The following FARP1 variants were observed in gnomAD, a reference collection of about 807,000 sequenced individuals.
FARP1 encodes FERM, ARHGEF and pleckstrin domain-containing protein 1.
A neutral mutation model predicts 128.8 loss-of-function variants in FARP1; 52 were observed. The ratio of observed to expected loss-of-function variants is 0.40; its 90% CI spans 0.32 to 0.51. The LOEUF is 0.51. FARP1 is among the 20% of genes least tolerant of loss of function. The pLI is 0.45. For missense variants in FARP1, 1,333 were observed against 1,367.9 expected (o/e 0.97, Z 0.40); for synonymous variants, 580 against 551.8 (o/e 1.05, Z -0.72).
intron 2 of FARP1, among the ~76,000 whole-genome samples, chr13:98,308,033 C>CTTT (rs10536692): frequency 0.013 from 213 of 16,638 alleles, 4 homozygotes; most frequent in Non-Finnish European, 0.022. Flanking sequence ...CACTCTCTCT[C>CTTT]TTTTTTTTTT....
At chr13:98,177,897 A>G (rs1878212072) in intron 1 of FARP1, 1 of 152,246 alleles carries the variant, frequency 6.6e-6, no homozygotes, top group African/African-American at 2.4e-5. Flanking sequence ...ACACACGCGC[A>G]GTGCAGAAAA....
Position 98,181,623 on chromosome 13 carries a change from T to TG in FARP1, c.-23-31597_-23-31596insG, listed in dbSNP as rs1366182647. 1.2e-3 allele frequency among the ~76,000 whole-genome samples: 109 copies of TG among 94,404 alleles called. 1 individual carries two copies. Among genetic ancestry groups the TG allele is most frequent in the Non-Finnish European group, 1.9e-3 (93 of 49,040 alleles). 61.9% of individuals were successfully genotyped at this position (94,404 alleles called of 152,430 possible). ...TTATTTATTTATTTATTTATTTATT[T>TG]ATTTATTTATTTATTTATTTGAGAG... is the stretch of plus-strand genomic sequence containing the variant. On this transcript the variant is annotated intron_variant, in intron 1 of 26. Coordinates refer to ENST00000319562, the MANE Select transcript of FARP1 (RefSeq NM_005766.4).
At position 98,448,294 on chromosome 13, in the gene FARP1, C is replaced by A. The variant is rs997043411; in HGVS notation, c.3115C>A (p.His1039Asn). 41 of 1,613,788 alleles carry A rather than the reference C, an allele frequency of 2.5e-5. No individual in the cohort carries two copies. Among genetic ancestry groups the A allele is most frequent in the Non-Finnish European group, 3.5e-5 (41 of 1,179,644 alleles). The change falls in exon 27 of 27, where the codon CAC becomes AAC. Residue 1039 changes from histidine (H) to asparagine (N), a missense_variant. Around this residue, in one of 2 missense-constraint regions of FARP1, gnomAD observed 1,009 missense variants for 969.8 expected, o/e 1.04. Transcript: ENST00000319562. ...SSASRPHVLS[H>N]KESLVY is the part of the protein sequence containing the mutation. ...TGCCTCGCGACCCCACGTGTTGAGT[C>A]ACAAAGAGTCTCTTGTGTATTGATG...
chr13:98,221,059 C>T (rs1032731511), intron 2 of FARP1, among the ~76,000 whole-genome samples: 4 of 152,094 alleles, frequency 2.6e-5, no homozygotes, highest in Admixed American at 2.0e-4. Context: ...GGGTCTGGGC[C>T]GCCTCGCTTC....
At chr13:98,282,899 CAAAAAAAAAT>C (rs1170993214) in intron 2 of FARP1, among the ~76,000 whole-genome samples, 2 of 147,610 alleles carry the variant, frequency 1.4e-5, no homozygotes, top group East Asian at 2.0e-4. Flanking sequence ...GACTCCGTCT[CAAAAAAAAAT>C]AAAAAAAAAT....
chr13:98,411,925 G>C lies in FARP1; in HGVS notation c.1717G>C (p.Glu573Gln). 1 of 1,614,178 alleles carries C rather than the reference G, an allele frequency of 6.2e-7. No individual in the cohort carries two copies. The highest frequency in any genetic ancestry group is 8.5e-7 in the Non-Finnish European group (1 of 1,180,018). The change falls in exon 16 of 27, where the codon GAG (glutamate) becomes CAG (glutamine). Residue 573 changes from glutamate to glutamine, a missense_variant. Coordinates refer to ENST00000319562, the MANE Select transcript of FARP1 (RefSeq NM_005766.4). ...TSWFQSTVSK[E>Q]DAMPEALKSL... is the part of the protein sequence containing the mutation. Reference sequence around the variant, plus strand: ...GTGGTTTCAGAGCACAGTGAGCAAAGAGGACGCCATGCCGGAAGCACTGAA... The same window carrying C: ...GTGGTTTCAGAGCACAGTGAGCAAACAGGACGCCATGCCGGAAGCACTGAA...
intron 1 of FARP1, among the ~76,000 whole-genome samples, chr13:98,157,059 G>A (rs552848568): frequency 1.3e-5 from 2 of 152,324 alleles, no homozygotes; most frequent in East Asian, 1.9e-4. Context: ...CAGAGTGGAC[G>A]TGAAGGATCA....
rs118027216 is a variant in FARP1 at position 98,310,855 on chromosome 13, C to T, written c.172-32907C>T. 2.0e-5 allele frequency among the ~76,000 whole-genome samples: 3 copies of T among 152,228 alleles called. No homozygotes were observed. In the East Asian group the frequency reaches 5.8e-4, roughly 29 times the overall value. On this transcript the variant is annotated intron_variant, in intron 2 of 26. Transcript: ENST00000319562. ...ATCTCAATATATCCTTCCTCCTGCC[C>T]CCTTGCAGAGAGAAGCTCTTTGGAA...
At chr13:98,342,861 C>T (rs1888027319) in intron 2 of FARP1, among the ~76,000 whole-genome samples, 1 of 151,366 alleles carries the variant, frequency 6.6e-6, no homozygotes, top group African/African-American at 2.4e-5. Flanking sequence ...CCCATCTCTA[C>T]TAAAAATATA....
intron 2 of FARP1, among the ~76,000 whole-genome samples, chr13:98,219,641 T>A (rs1881296633): frequency 6.6e-6 from 1 of 152,054 alleles, no homozygotes; most frequent in Non-Finnish European, 1.5e-5. Context: ...CCACATATTT[T>A]TTATTTCTAA....
intron 4 of FARP1, among the ~76,000 whole-genome samples, chr13:98,367,489 CTT>C (rs200185112): frequency 3.5e-5 from 5 of 144,388 alleles, no homozygotes; most frequent in Non-Finnish European, 1.5e-5. Context: ...TGTTTTCTTT[CTT>C]TTTTTTTTTT....
chr13:98,277,987 G>A (rs867870857), intron 2 of FARP1, among the ~76,000 whole-genome samples: 140 of 150,148 alleles, frequency 9.3e-4, no homozygotes, highest in African/African-American at 3.2e-3. Flanking sequence ...GTCAAAATCT[G>A]GTGATCTGTT....
chr13:98,286,083 C>T (rs199632882), intron 2 of FARP1, among the ~76,000 whole-genome samples: 7 of 152,118 alleles, frequency 4.6e-5, no homozygotes, highest in Admixed American at 6.6e-5. Flanking sequence ...ATTCTTTCCT[C>T]GCTTAGAACC....
rs80034349 is a variant in FARP1, at chr13:98,230,673, G to A, written c.171+17260G>A. On this transcript the variant is annotated intron_variant, in intron 2 of 26. Transcript: ENST00000319562. ...AAAACCAGAATATATTATACATGGT[G>A]CGTGTTCCTCACTTTCTGTGCCTTG... Among the ~76,000 whole-genome samples the A allele has an allele frequency of 1.6e-4, 24 of 152,128 alleles. No individual in the cohort carries two copies. The East Asian group carries it at 4.3e-3, about 27-fold the overall frequency.
At chr13:98,211,191 GA>G (rs1245277825) in intron 1 of FARP1, among the ~76,000 whole-genome samples, 33 of 152,186 alleles carry the variant, frequency 2.2e-4, no homozygotes, top group Admixed American at 2.2e-3. Flanking sequence ...GGGGTCCCCA[GA>G]TCCTGGGCCG....
intron 1 of FARP1, among the ~76,000 whole-genome samples, chr13:98,145,365 G>A (rs1265251240): frequency 5.9e-5 from 9 of 152,274 alleles, no homozygotes; most frequent in African/African-American, 1.4e-4. Flanking sequence ...CTTTCACATT[G>A]ATATTCTCTT....
At chr13:98,401,050 A>G (rs1890741581) in intron 13 of FARP1, 1 of 152,144 alleles carries the variant, frequency 6.6e-6, no homozygotes. Context: ...TTTAAAAATA[A>G]TCCGTTGCTA....
intron 1 of FARP1, among the ~76,000 whole-genome samples, chr13:98,202,728 T>A (rs186534976): frequency 2.0e-5 from 3 of 152,256 alleles, no homozygotes; most frequent in South Asian, 2.1e-4. Flanking sequence ...CTTTTTTTTT[T>A]CTTTTTTAAG....
intron 1 of FARP1, among the ~76,000 whole-genome samples, chr13:98,204,702 T>TG (rs778453764): frequency 1.3e-5 from 2 of 152,254 alleles, no homozygotes; most frequent in Admixed American, 6.5e-5. Flanking sequence ...GGCTTATGCC[T>TG]GTAGTCCCAG....
Sources: allele counts gnomAD v4.1 joint callset (sites outside exome capture counted in the v4.1 genomes callset), GRCh38; gene constraint gnomAD v4.1.1; regional missense constraint gnomAD v4.1.1; transcripts MANE v1.5; gene names NCBI Gene and HGNC (gene_info 2026-07-23, HGNC 2026-07-21).